Variants in BTBD9 observed in about 807,000 individuals in gnomAD.
BTBD9 encodes BTB/POZ domain-containing protein 9.
A neutral mutation model predicts 64.3 loss-of-function variants in BTBD9; 49 were observed. The ratio of observed to expected loss-of-function variants is 0.76; its 90% CI spans 0.61 to 0.97. The LOEUF (loss-of-function observed/expected upper bound fraction) is 0.97, where lower values mean the gene tolerates loss of function less well. Ranked by LOEUF, BTBD9 falls within the 50% of genes least tolerant of loss-of-function variation. The pLI, the probability that BTBD9 is intolerant of heterozygous loss-of-function variation, is 0.00. For synonymous variants in BTBD9, 260 were observed against 274.7 expected (o/e 0.95, Z 0.53); for missense variants, 598 against 762.1 (o/e 0.78, Z 2.53).
intron 6 of BTBD9, among the ~76,000 whole-genome samples, chr6:38,574,510 A>G (rs139081259): frequency 1.5e-3 from 226 of 152,274 alleles, no homozygotes; most frequent in African/African-American, 5.2e-3. Flanking sequence ...ACCGTGACCA[A>G]CGAGGATGGC....
rs1317910536 is a variant in BTBD9, at chr6:38,197,378, A to T, written c.1563-4781T>A. On this transcript the variant is annotated intron_variant, in intron 9 of 10. Transcript: ENST00000481247. ...TTCTTTCCACCAAAGGGCAAGATGA[A>T]GACCTTTCAAATAATTTAGAGGCCA... Among the ~76,000 whole-genome samples the T allele has an allele frequency of 4.6e-5, 7 of 152,244 alleles. No homozygotes were observed. The East Asian group carries it at 1.3e-3, about 29-fold the overall frequency.
At chr6:38,616,798 G>A (rs1396507028) in intron 1 of BTBD9, among the ~76,000 whole-genome samples, 2 of 152,102 alleles carry the variant, frequency 1.3e-5, no homozygotes, top group African/African-American at 4.8e-5. Context: ...CGCTGTGGAA[G>A]CTTTGTCCTT....
chr6:38,545,861 C>CACACAT (rs1449313646), intron 6 of BTBD9, among the ~76,000 whole-genome samples: 2 of 64,762 alleles, frequency 3.1e-5, no homozygotes, highest in East Asian at 4.3e-4. Flanking sequence ...CACATACACA[C>CACACAT]ACACACACAC....
At chr6:38,270,294 C>T (rs1256136034) in intron 8 of BTBD9, among the ~76,000 whole-genome samples, 1 of 152,258 alleles carries the variant, frequency 6.6e-6, no homozygotes, top group South Asian at 2.1e-4. Flanking sequence ...ACACGGTCCT[C>T]GTGCCATGCA....
At chr6:38,235,403 C>T (rs1763742693) in intron 9 of BTBD9, among the ~76,000 whole-genome samples, 1 of 152,106 alleles carries the variant, frequency 6.6e-6, no homozygotes, top group Non-Finnish European at 1.5e-5. Context: ...TTAGAACCAA[C>T]CTTCAGGGCT....
chr6:38,516,726 G>A (rs376029906), intron 6 of BTBD9, among the ~76,000 whole-genome samples: 7 of 152,154 alleles, frequency 4.6e-5, no homozygotes, highest in African/African-American at 1.7e-4. Context: ...TACTATTACT[G>A]TGTAGTATCT....
At chr6:38,350,359 T>C (rs185935756) in intron 6 of BTBD9, among the ~76,000 whole-genome samples, 3 of 152,302 alleles carry the variant, frequency 2.0e-5, no homozygotes, top group East Asian at 1.9e-4. Context: ...AAAGACAATA[T>C]AGAAAAACAG....
intron 10 of BTBD9, among the ~76,000 whole-genome samples, chr6:38,190,857 C>T (rs142383674): frequency 1.2e-4 from 19 of 152,254 alleles, no homozygotes; most frequent in African/African-American, 3.4e-4. Flanking sequence ...AGAAGAAGGC[C>T]CTGGGCAGAC....
In BTBD9 at chr6:38,510,469, C is replaced by T. The variant is rs192995343; in HGVS notation, c.1154+67131G>A. Among the ~76,000 whole-genome samples, 5 of 152,256 alleles carry T rather than the reference C, an allele frequency of 3.3e-5. No individual in the cohort carries two copies. In the East Asian group the frequency reaches 9.6e-4, roughly 29 times the overall value. ...CCTAGAACATTACTGAACACTACAGCTGACTTTATAAATACTGTGCACTTA... is the reference window on the plus strand; with the variant it reads ...CCTAGAACATTACTGAACACTACAGTTGACTTTATAAATACTGTGCACTTA... On this transcript the variant is annotated intron_variant, in intron 6 of 10. Transcript: ENST00000481247.
At chr6:38,290,855 T>C (rs1761930095) in intron 7 of BTBD9, among the ~76,000 whole-genome samples, 2 of 152,216 alleles carry the variant, frequency 1.3e-5, no homozygotes, top group South Asian at 4.1e-4. Context: ...ACATTTAATG[T>C]CTACTACAAA....
At chr6:38,485,819 T>C (rs181471733) in intron 6 of BTBD9, among the ~76,000 whole-genome samples, 165 of 152,270 alleles carry the variant, frequency 1.1e-3, no homozygotes, top group Non-Finnish European at 2.1e-3. Context: ...GAATCAGAAA[T>C]GTCCTTTGAA....
chr6:38,403,141 A>C (rs1562134821), intron 6 of BTBD9, among the ~76,000 whole-genome samples: 1 of 152,000 alleles, frequency 6.6e-6, no homozygotes, highest in Non-Finnish European at 1.5e-5. Context: ...AGAGAAGAGA[A>C]GAAAAGGAAA....
intron 6 of BTBD9, among the ~76,000 whole-genome samples, chr6:38,527,265 A>C (rs913216453): frequency 1.0e-3 from 17 of 16,554 alleles, no homozygotes; most frequent in African/African-American, 1.6e-3. Context: ...CTCTGTCTCA[A>C]AAAAAAAAAA....
intron 6 of BTBD9, among the ~76,000 whole-genome samples, chr6:38,493,901 TTAAA>T (rs1444051502): frequency 1.3e-5 from 2 of 152,222 alleles, no homozygotes; most frequent in Non-Finnish European, 1.5e-5. Context: ...TTTCATCTAG[TTAAA>T]TAAAGGATTA....
intron 6 of BTBD9, among the ~76,000 whole-genome samples, chr6:38,372,202 A>C (rs1283746602): frequency 1.3e-5 from 2 of 152,382 alleles, no homozygotes; most frequent in East Asian, 3.9e-4. Context: ...CAGCTCACTC[A>C]TAAACCAAAA....
chr6:38,459,105 GC>G lies in BTBD9; in HGVS notation c.1155-114013del, dbSNP rs577800754. 3.1e-3 allele frequency among the ~76,000 whole-genome samples: 471 copies of G among 151,046 alleles called. 2 individuals are homozygous for G. The highest frequency in any genetic ancestry group is 0.011 in the African/African-American group (450 of 41,042). Reference sequence around the variant, plus strand: ...GTGATCTCGGCTCACTGCAACCTCTGCCTCCTGGGTTCAAGCAATTCTCCTG... The same window carrying G: ...GTGATCTCGGCTCACTGCAACCTCTGCTCCTGGGTTCAAGCAATTCTCCTG... On this transcript the variant is annotated intron_variant, in intron 6 of 10. Transcript: ENST00000481247.
At chr6:38,205,879 C>CGAAAAAAAAAAAAAAA (rs1762625649) in intron 9 of BTBD9, among the ~76,000 whole-genome samples, 4 of 47,288 alleles carry the variant, frequency 8.5e-5, no homozygotes, top group Non-Finnish European at 1.5e-4. Flanking sequence ...GAGTCTGTCT[C>CGAAAAAAAAAAAAAAA]AAAAAAAAAA....
At chr6:38,226,456 T>A (rs1027582179) in intron 9 of BTBD9, among the ~76,000 whole-genome samples, 2 of 152,126 alleles carry the variant, frequency 1.3e-5, no homozygotes, top group African/African-American at 4.8e-5. Flanking sequence ...AAATGGGGCT[T>A]GGATGGCGTG....
chr6:38,329,224 C>T (rs536281427), intron 7 of BTBD9, among the ~76,000 whole-genome samples: 1 of 151,574 alleles, frequency 6.6e-6, no homozygotes, highest in Non-Finnish European at 1.5e-5. Flanking sequence ...CTGTGCTGAA[C>T]ATTTATGTAG....
Sources: gnomAD v4.1 joint callset for allele counts (sites outside exome capture counted in the v4.1 genomes callset) on GRCh38, gnomAD v4.1.1 for gene constraint, MANE v1.5 for transcripts, NCBI Gene and HGNC (gene_info 2026-07-23, HGNC 2026-07-21) for gene names.